ARHGEF26: variants seen among roughly 807,000 people sequenced by gnomAD.
The protein encoded by ARHGEF26 is Rho guanine nucleotide exchange factor (GEF) 26.
Under a neutral mutation model 89.4 loss-of-function variants are expected in ARHGEF26, and 59 were observed. That is an observed-to-expected ratio of 0.66 (90% CI 0.54 to 0.82). The LOEUF (loss-of-function observed/expected upper bound fraction) is 0.82, where lower values mean the gene tolerates loss of function less well. Among genes scored for constraint, ARHGEF26 ranks in the 40% least tolerant of loss-of-function variants. The probability of loss-of-function intolerance (pLI) is 0.00; values close to 1 mark genes in which losing one functional copy is unlikely to be tolerated. For missense variants in ARHGEF26, 1,234 were observed against 1,085.6 expected, an observed-to-expected ratio of 1.14 and a Z score of -1.92; for synonymous variants, 500 against 428.4, an observed-to-expected ratio of 1.17 and a Z score of -2.06.
intron 7 of ARHGEF26, among the ~76,000 whole-genome samples, chr3:154,188,773 G>A (rs1576755352): frequency 6.6e-6 from 1 of 152,300 alleles, no homozygotes; most frequent in South Asian, 2.1e-4. Context: ...AAGCCTCTAA[G>A]CTGATGAGAA....
chr3:154,204,523 G>T (rs1235378517), intron 9 of ARHGEF26, among the ~76,000 whole-genome samples: 1 of 151,684 alleles, frequency 6.6e-6, no homozygotes, highest in Non-Finnish European at 1.5e-5. Flanking sequence ...TAGAGATGGG[G>T]TTTCACCATG....
intron 10 of ARHGEF26, among the ~76,000 whole-genome samples, chr3:154,224,400 A>G (rs1397409906): frequency 6.6e-6 from 1 of 152,220 alleles, no homozygotes; most frequent in African/African-American, 2.4e-5. Context: ...AATCTGCTTT[A>G]AAAACAATAA....
At chr3:154,149,066 A>G (rs897746751) in intron 4 of ARHGEF26, among the ~76,000 whole-genome samples, 1 of 152,126 alleles carries the variant, frequency 6.6e-6, no homozygotes, top group African/African-American at 2.4e-5. Flanking sequence ...CTTGTTACCT[A>G]TTAGCTATGT....
At chr3:154,145,560 T>G (rs1439578607) in intron 4 of ARHGEF26, among the ~76,000 whole-genome samples, 1 of 152,220 alleles carries the variant, frequency 6.6e-6, no homozygotes, top group East Asian at 1.9e-4. Context: ...TTTTTGAGTC[T>G]TTTTGGTTTG....
chr3:154,227,727 G>A (rs1054596501), intron 11 of ARHGEF26, among the ~76,000 whole-genome samples: 13 of 152,098 alleles, frequency 8.5e-5, no homozygotes, highest in African/African-American at 2.9e-4. Flanking sequence ...CTCTTCAAAT[G>A]CCAGAACTCT....
intron 6 of ARHGEF26, among the ~76,000 whole-genome samples, chr3:154,153,464 T>G (rs920289739): frequency 2.6e-5 from 4 of 152,094 alleles, no homozygotes; most frequent in African/African-American, 9.7e-5. Flanking sequence ...TTGCTTAATT[T>G]TTTTCCAAGT....
At chr3:154,173,003 G>A (rs984957343) in intron 6 of ARHGEF26, among the ~76,000 whole-genome samples, 3 of 152,134 alleles carry the variant, frequency 2.0e-5, no homozygotes, top group African/African-American at 7.2e-5. Context: ...TTTCACATAT[G>A]TCGTAGCCTA....
intron 9 of ARHGEF26, among the ~76,000 whole-genome samples, chr3:154,207,700 G>A (rs1367958237): frequency 2.0e-5 from 3 of 152,152 alleles, no homozygotes; most frequent in East Asian, 1.9e-4. Context: ...ATTCCTTAAA[G>A]ACCTACAAAC....
In ARHGEF26 at chr3:154,256,909, G is replaced by C; in HGVS notation, c.*1436G>C. Reference sequence around the variant, plus strand: ...GGTTATCTTAATAGTCGGTTTCATGGAGATGAAGGATGGGAGATTAAGAGG... The same window carrying C: ...GGTTATCTTAATAGTCGGTTTCATGCAGATGAAGGATGGGAGATTAAGAGG... On this transcript the variant is annotated 3_prime_UTR_variant, in exon 15 of 15. Transcript: ENST00000465093. 6.5e-7 allele frequency: 1 copy of C among 1,535,180 alleles called. No homozygotes were observed. Among genetic ancestry groups the C allele is most frequent in the African/African-American group, 1.4e-5 (1 of 73,116 alleles).
intron 4 of ARHGEF26, among the ~76,000 whole-genome samples, chr3:154,139,534 T>G (rs1412240162): frequency 6.6e-6 from 1 of 152,204 alleles, no homozygotes; most frequent in African/African-American, 2.4e-5. Flanking sequence ...TTTTTCATAC[T>G]GACTTTGGAT....
At chr3:154,160,100 G>A (rs1711564495) in intron 6 of ARHGEF26, among the ~76,000 whole-genome samples, 1 of 152,078 alleles carries the variant, frequency 6.6e-6, no homozygotes. Context: ...TTGAAAGACA[G>A]TGACATTCAG....
intron 4 of ARHGEF26, among the ~76,000 whole-genome samples, chr3:154,138,511 C>T (rs1719157597): frequency 6.6e-6 from 1 of 152,004 alleles, no homozygotes; most frequent in Non-Finnish European, 1.5e-5. Context: ...GGTAGATCTG[C>T]CAATATTTAT....
At chr3:154,142,816 T>G (rs1719460828) in intron 4 of ARHGEF26, among the ~76,000 whole-genome samples, 1 of 152,214 alleles carries the variant, frequency 6.6e-6, no homozygotes, top group Non-Finnish European at 1.5e-5. Flanking sequence ...CGCAGACTCC[T>G]TTATCCTCCT....
At position 154,147,004 on chromosome 3, in the gene ARHGEF26, A is replaced by G. The variant is rs530270262; in HGVS notation, c.1270-2385A>G. ...GAAATTTAAACCAGTGAGGAATAAGAAAGTTCAAATGAGGTTGCTTTGGCT... is the reference window on the plus strand; with the variant it reads ...GAAATTTAAACCAGTGAGGAATAAGGAAGTTCAAATGAGGTTGCTTTGGCT... On this transcript the variant is annotated intron_variant, in intron 4 of 14. Coordinates refer to ENST00000465093, the MANE Select transcript of ARHGEF26 (RefSeq NM_015595.4). 2.6e-5 allele frequency among the ~76,000 whole-genome samples: 4 copies of G among 152,356 alleles called. No homozygotes were observed. The South Asian group carries it at 8.3e-4, about 32-fold the overall frequency.
chr3:154,206,474 C>T (rs367931388), intron 9 of ARHGEF26, among the ~76,000 whole-genome samples: 17 of 152,154 alleles, frequency 1.1e-4, no homozygotes, highest in South Asian at 4.2e-4. Context: ...CAAGAGTGGG[C>T]GATCCAAGAG....
chr3:154,181,529 A>G (rs1026653772), intron 6 of ARHGEF26, among the ~76,000 whole-genome samples: 4 of 152,200 alleles, frequency 2.6e-5, no homozygotes, highest in Admixed American at 1.3e-4. Flanking sequence ...GGCATTGATT[A>G]TAACCAGAGC....
intron 4 of ARHGEF26, among the ~76,000 whole-genome samples, chr3:154,145,651 A>G (rs867994605): frequency 1.3e-5 from 2 of 152,212 alleles, no homozygotes; most frequent in African/African-American, 2.4e-5. Flanking sequence ...TAGAAACACT[A>G]TCGAGTCATG....
At chr3:154,235,004 C>T (rs1176218394) in intron 11 of ARHGEF26, among the ~76,000 whole-genome samples, 3 of 151,852 alleles carry the variant, frequency 2.0e-5, no homozygotes, top group Non-Finnish European at 2.9e-5. Flanking sequence ...CCTTGTGATC[C>T]GCCCGCCTTG....
chr3:154,171,161 C>T (rs868798448), intron 6 of ARHGEF26, among the ~76,000 whole-genome samples: 13 of 152,264 alleles, frequency 8.5e-5, no homozygotes, highest in Middle Eastern at 3.4e-3. Flanking sequence ...CACTGGACAG[C>T]TCTTTCTCTA....
Sources: allele counts gnomAD v4.1 joint callset (sites outside exome capture counted in the v4.1 genomes callset), GRCh38; gene constraint gnomAD v4.1.1; transcripts MANE v1.5; gene names NCBI Gene and HGNC (gene_info 2026-07-23, HGNC 2026-07-21).